Variants in LMO7 observed in about 807,000 individuals in gnomAD.
LMO7 encodes LIM domain only protein 7.
A neutral mutation model predicts 206.5 loss-of-function variants in LMO7; 120 were observed. The observed-to-expected ratio is 0.58, with a 90% CI of 0.50 to 0.68. LMO7 has a LOEUF of 0.68. Ranked by LOEUF, LMO7 falls within the 30% of genes least tolerant of loss-of-function variation. The pLI is 0.00. For synonymous variants in LMO7, 706 were observed against 681.5 expected (o/e 1.04, Z -0.56); for missense variants, 1,959 against 1,957.9 (o/e 1.00, Z -0.01).
chr13:75,687,767 A>G (rs1288356700), intron 1 of LMO7, among the ~76,000 whole-genome samples: 2 of 152,204 alleles, frequency 1.3e-5, no homozygotes, highest in African/African-American at 4.8e-5. Flanking sequence ...ATCAGCTGAG[A>G]TAGACTCTCT....
At chr13:75,770,197 C>T (rs73227968) in intron 4 of LMO7, among the ~76,000 whole-genome samples, 82 of 151,490 alleles carry the variant, frequency 5.4e-4, no homozygotes, top group South Asian at 1.0e-3. Context: ...TTTTCCCCAC[C>T]GAAGGGGCCT....
upstream of LMO7, among the ~76,000 whole-genome samples, chr13:75,633,515 A>C (rs1176330419): frequency 6.6e-6 from 1 of 152,240 alleles, no homozygotes; most frequent in African/African-American, 2.4e-5. Context: ...GAGCACAGGA[A>C]GTACAGAAAG....
chr13:75,672,717 G>A (rs2039692325), intron 1 of LMO7, among the ~76,000 whole-genome samples: 1 of 152,168 alleles, frequency 6.6e-6, no homozygotes, highest in Admixed American at 6.5e-5. Flanking sequence ...AGCCTCACAT[G>A]AAAAGTTCTG....
At chr13:75,789,750 C>T (rs2052986424) in intron 4 of LMO7, among the ~76,000 whole-genome samples, 1 of 152,136 alleles carries the variant, frequency 6.6e-6, no homozygotes, top group Admixed American at 6.5e-5. Context: ...CCAGAGTTAG[C>T]TCCTTGGATA....
upstream of LMO7, chr13:75,636,278 G>C: frequency 1.9e-6 from 2 of 1,061,820 alleles, no homozygotes; most frequent in Non-Finnish European, 2.3e-6. Context: ...GGGTGGGCCG[G>C]GGCGGGGCCA....
In LMO7 at chr13:75,819,553, A is replaced by G. The variant is rs1437503181; in HGVS notation, c.2207+18A>G. On this transcript the variant is annotated intron_variant, in intron 13 of 30. Transcript: ENST00000377534. ...CAGGACAGGTAATAATGCTGAATGC[A>G]CCTCGGTTGTAACAGGGTTGGAGAT... 1 of 1,556,610 alleles carries G rather than the reference A, an allele frequency of 6.4e-7. No homozygotes were observed. The highest frequency in any genetic ancestry group is 1.4e-5 in the African/African-American group (1 of 72,404).
intron 7 of LMO7, among the ~76,000 whole-genome samples, chr13:75,801,944 T>C (rs1164433160): frequency 2.1e-5 from 3 of 142,644 alleles, no homozygotes; most frequent in African/African-American, 7.7e-5. Flanking sequence ...CTTTATCTTA[T>C]ACTCATCTCT....
At chr13:75,800,621 C>T (rs770089673) in intron 6 of LMO7, 63 bp from the exon 7 acceptor site, 71 of 1,454,342 alleles carry the variant, frequency 4.9e-5, no homozygotes, top group Admixed American at 1.0e-4. Context: ...AAGTAATAAC[C>T]GATTGATTAT....
At chr13:75,634,462 T>A (rs373245077), upstream of LMO7, among the ~76,000 whole-genome samples, 2 of 151,204 alleles carry the variant, frequency 1.3e-5, no homozygotes, top group South Asian at 4.2e-4. Context: ...CAAGAACGGC[T>A]GGGGGCGGTG....
chr13:75,672,529 C>T (rs1201100044), intron 1 of LMO7, among the ~76,000 whole-genome samples: 5 of 152,148 alleles, frequency 3.3e-5, no homozygotes, highest in Non-Finnish European at 5.9e-5. Context: ...ATTCATTTAA[C>T]TTGTCCTCTT....
intron 19 of LMO7, 149 bp from the exon 20 acceptor site, chr13:75,837,991 G>A (rs2059262891): frequency 1.7e-6 from 1 of 571,898 alleles, no homozygotes; most frequent in Admixed American, 3.1e-5. Context: ...CCTGTGCCTT[G>A]AAATAATCTA....
intron 24 of LMO7, among the ~76,000 whole-genome samples, 164 bp downstream of exon 24, chr13:75,842,147 T>C (rs2059601771): frequency 6.6e-6 from 1 of 152,180 alleles, no homozygotes; most frequent in African/African-American, 2.4e-5. Context: ...GTCATCTTGC[T>C]TCACCACCCA....
intron 27 of LMO7, among the ~76,000 whole-genome samples, chr13:75,850,079 C>T (rs1033460682): frequency 3.9e-5 from 6 of 152,076 alleles, no homozygotes; most frequent in African/African-American, 1.2e-4. Context: ...GATCTTGCCA[C>T]TGCACTCCAG....
At chr13:75,830,315 A>G (rs1182002028) in intron 15 of LMO7, among the ~76,000 whole-genome samples, 1 of 152,204 alleles carries the variant, frequency 6.6e-6, no homozygotes. Flanking sequence ...GGGGCTCTGG[A>G]ACTCTTACTT....
At chr13:75,642,437 TCTAC>T (rs1409421288) in intron 1 of LMO7, among the ~76,000 whole-genome samples, 1 of 102,868 alleles carries the variant, frequency 9.7e-6, no homozygotes. Flanking sequence ...AGACCCCATC[TCTAC>T]CAAAAAAAAA....
intron 10 of LMO7, among the ~76,000 whole-genome samples, chr13:75,808,709 T>C (rs563056095): frequency 6.6e-6 from 1 of 152,320 alleles, no homozygotes; most frequent in East Asian, 1.9e-4. Context: ...AGAGTAAACG[T>C]TGATGTTAAA....
chr13:75,805,715 A>G lies in LMO7; in HGVS notation c.1151A>G (p.Lys384Arg). 3 of 1,614,040 alleles carry G rather than the reference A, an allele frequency of 1.9e-6. No homozygotes were observed. The highest frequency in any genetic ancestry group is 1.3e-5 in the African/African-American group (1 of 75,060). Residue 384 changes from lysine (K) to arginine (R), a missense_variant, in exon 9 of 31, where the codon AAA (lysine) becomes AGA (arginine). Physicochemically the swap from Lys to Arg is conservative, Grantham distance 26. Transcript: ENST00000377534. Reference protein sequence around the residue: ...TPEDVNWKRIKRETYKPWYKE... With the variant: ...TPEDVNWKRIRRETYKPWYKE... ...GAAGATGTGAACTGGAAAAGAATAA[A>G]AAGGGAAACTTATAAGCCATGGTAT...
chr13:75,769,974 T>C (rs2049413758), intron 4 of LMO7, among the ~76,000 whole-genome samples: 1 of 152,128 alleles, frequency 6.6e-6, no homozygotes, highest in Non-Finnish European at 1.5e-5. Flanking sequence ...TTTGGCTTCA[T>C]ACTGAGAAAT....
chr13:75,858,267 G>C lies in LMO7; in HGVS notation c.*324G>C, dbSNP rs1458293048. 4 of 279,428 alleles carry C rather than the reference G, an allele frequency of 1.4e-5. No individual in the cohort carries two copies. Among genetic ancestry groups the C allele is most frequent in the Non-Finnish European group, 2.7e-5 (4 of 150,650 alleles). The allele number at this position is 279,428 out of a possible 1,614,324, so 17.3% of individuals were successfully genotyped here. A position where few individuals can be genotyped will look rare whatever the true frequency, so the allele number is the denominator to read the frequency against. On this transcript the variant is annotated 3_prime_UTR_variant, in exon 31 of 31. Coordinates refer to ENST00000377534, the MANE Select transcript of LMO7 (RefSeq NM_001306080.2). ...ATCTAGTTTGACTTTCTAGTTAGTG[G>C]TGTTTTGAAGAGGGTATTTTATTGT...
Sources: allele counts gnomAD v4.1 joint callset (sites outside exome capture counted in the v4.1 genomes callset), GRCh38; gene constraint gnomAD v4.1.1; transcripts MANE v1.5; gene names NCBI Gene and HGNC (gene_info 2026-07-23, HGNC 2026-07-21).